Variants in ABR observed in about 807,000 individuals in gnomAD.
The protein encoded by ABR is ABR activator of RhoGEF and GTPase.
In ABR, 35 loss-of-function variants were observed where a neutral mutation model predicts 107.2. The observed-to-expected ratio is 0.33, with a 90% CI of 0.25 to 0.43. The LOEUF (loss-of-function observed/expected upper bound fraction) is 0.43, where lower values mean the gene tolerates loss of function less well. ABR is among the 20% of genes least tolerant of loss of function. ABR has a pLI of 1.00. For synonymous variants in ABR, 498 were observed against 462.0 expected, an observed-to-expected ratio of 1.08 and a Z score of -1.00; for missense variants, 815 against 1,115.2, an observed-to-expected ratio of 0.73 and a Z score of 3.83.
intron 1 of ABR, among the ~76,000 whole-genome samples, chr17:1,226,937 T>C (rs1388799998): frequency 6.6e-6 from 1 of 151,964 alleles, no homozygotes; most frequent in Non-Finnish European, 1.5e-5. Context: ...ACGAGGAGGC[T>C]TTGGAGACAG....
intron 16 of ABR, among the ~76,000 whole-genome samples, chr17:1,035,937 G>GA (rs1389583306): frequency 6.6e-6 from 1 of 151,610 alleles, no homozygotes; most frequent in Non-Finnish European, 1.5e-5. Flanking sequence ...CATCAACGAG[G>GA]AAAAAAGGTC....
chr17:1,125,255 C>A lies in ABR; in HGVS notation c.174G>T (p.Pro58=). Residue 58 remains proline (P), a synonymous_variant, in exon 2 of 23, where the codon CCG becomes CCT. Transcript: ENST00000302538. ...CGCCCTGGCTGCGGGCGCTGAGCTG[C>A]GGGGACATGGTGGGCGACTCATCGA... ...PYIDESPTMS[P]QLSARSQGGG... 1 of 1,613,050 alleles carries A rather than the reference C, an allele frequency of 6.2e-7. No homozygotes were observed. Among genetic ancestry groups the A allele is most frequent in the Non-Finnish European group, 8.5e-7 (1 of 1,179,514 alleles).
At chr17:1,093,139 T>C (rs2037152036) in intron 3 of ABR, among the ~76,000 whole-genome samples, 1 of 151,384 alleles carries the variant, frequency 6.6e-6, no homozygotes, top group Non-Finnish European at 1.5e-5. Flanking sequence ...CGGATTCTGT[T>C]GATGTTCTTC....
chr17:1,037,534 G>A lies in ABR; in HGVS notation c.1791+12516C>T, dbSNP rs1597481361. Among the ~76,000 whole-genome samples, 1 of 152,236 alleles carries A rather than the reference G, an allele frequency of 6.6e-6. No individual in the cohort carries two copies. The highest frequency in any genetic ancestry group is 2.4e-5 in the African/African-American group (1 of 41,460). ...TTGGTCATGGAAAAGGGTGAAAAAT[G>A]CACTTGAGCCTTTGGGAACATCTTG... On this transcript the variant is annotated intron_variant, in intron 16 of 22. Coordinates refer to ENST00000302538, the MANE Select transcript of ABR (RefSeq NM_021962.5). This position sits in a 1 kb window ranked among gnomAD's most constrained non-coding sequence, Gnocchi z 4.6.
chr17:1,090,072 G>A (rs928619947), intron 4 of ABR, among the ~76,000 whole-genome samples: 2 of 152,242 alleles, frequency 1.3e-5, no homozygotes, highest in Non-Finnish European at 2.9e-5. Context: ...TGGCGACTTG[G>A]AAAGCCTTCT....
intron 1 of ABR, among the ~76,000 whole-genome samples, chr17:1,147,220 A>C (rs1450414510): frequency 2.6e-5 from 4 of 151,990 alleles, no homozygotes; most frequent in Admixed American, 6.6e-5. Flanking sequence ...ACATATTCCA[A>C]ATGGTGCAGT....
In ABR at chr17:1,075,569, A is replaced by G. The variant is rs2035632333; in HGVS notation, c.701-1892T>C. 2.1e-5 allele frequency among the ~76,000 whole-genome samples: 3 copies of G among 141,006 alleles called. No homozygotes were observed. The South Asian group carries it at 6.9e-4, about 32-fold the overall frequency. 92.5% of individuals were successfully genotyped at this position (141,006 alleles called of 152,430 possible). On this transcript the variant is annotated intron_variant, in intron 6 of 22. Transcript: ENST00000302538. ...GGCTGCCTGTCGGAATCACTGGGGG[A>G]GCGGTTAAAAGATACAGATGCTGCT...
chr17:1,153,143 G>A (rs1026197872), intron 1 of ABR, among the ~76,000 whole-genome samples: 1 of 152,246 alleles, frequency 6.6e-6, no homozygotes, highest in Non-Finnish European at 1.5e-5. Context: ...TGTTCTGGGA[G>A]ATGGGGACCA....
Position 1,150,072 on chromosome 17 carries a change from G to T in ABR, c.62-24705C>A, listed in dbSNP as rs1489456950. ...TCACTGCTGTTGTCCCTGTTGTTAT[G>T]ATTTCTCCCCATAGTCCCGGCCTGG... On this transcript the variant is annotated intron_variant, in intron 1 of 22. Transcript: ENST00000302538. This position sits in a 1 kb window ranked among gnomAD's most constrained non-coding sequence, Gnocchi z 4.8. Among the ~76,000 whole-genome samples, 2 of 152,016 alleles carry T rather than the reference G, an allele frequency of 1.3e-5. No individual in the cohort carries two copies. The highest frequency in any genetic ancestry group is 4.8e-5 in the African/African-American group (2 of 41,402).
intron 3 of ABR, among the ~76,000 whole-genome samples, chr17:1,099,418 G>A (rs1368027314): frequency 6.6e-6 from 1 of 152,182 alleles, no homozygotes; most frequent in Non-Finnish European, 1.5e-5. Flanking sequence ...TAACATAAAT[G>A]TCAAGTCCCC....
At chr17:1,061,858 T>C (rs1312523515) in intron 10 of ABR, among the ~76,000 whole-genome samples, 1 of 152,164 alleles carries the variant, frequency 6.6e-6, no homozygotes, top group Non-Finnish European at 1.5e-5. Flanking sequence ...TAACCACCTG[T>C]TTTCTACGTG....
At chr17:1,038,967 G>A (rs4968080) in intron 16 of ABR, among the ~76,000 whole-genome samples, 32,458 of 152,198 alleles carry the variant, frequency 0.21, 3,696 homozygotes, top group Admixed American at 0.27. Flanking sequence ...TGCGGCTTTC[G>A]CCTCGGCGAG....
At chr17:1,043,107 T>C (rs1336041290) in intron 16 of ABR, among the ~76,000 whole-genome samples, 1 of 152,170 alleles carries the variant, frequency 6.6e-6, no homozygotes, top group African/African-American at 2.4e-5. Context: ...AAGTTCTGGA[T>C]ATGCACACTG....
rs976349156 is a variant in ABR, at chr17:1,019,940, G to A, written c.1792-6776C>T. ...GCTGGGAAGACCACCAGGGGCACACGAGCACTGGGGCCTCCCCAAGGTGGG... is the reference window on the plus strand; with the variant it reads ...GCTGGGAAGACCACCAGGGGCACACAAGCACTGGGGCCTCCCCAAGGTGGG... On this transcript the variant is annotated intron_variant, in intron 16 of 22. Transcript: ENST00000302538. Among the ~76,000 whole-genome samples, 6 of 152,208 alleles carry A rather than the reference G, an allele frequency of 3.9e-5. No individual in the cohort carries two copies. The South Asian group carries it at 6.2e-4, about 16-fold the overall frequency.
intron 6 of ABR, among the ~76,000 whole-genome samples, chr17:1,076,387 C>T (rs1321470503): frequency 6.6e-6 from 1 of 152,104 alleles, no homozygotes; most frequent in Non-Finnish European, 1.5e-5. Flanking sequence ...CTGTTTAAGG[C>T]ACCCACCTGT....
chr17:1,148,804 G>A lies in ABR; in HGVS notation c.62-23437C>T, dbSNP rs115745348. 0.018 allele frequency among the ~76,000 whole-genome samples: 2,773 copies of A among 152,258 alleles called. 93 individuals carry two copies. Among genetic ancestry groups the A allele is most frequent in the African/African-American group, 0.063 (2,620 of 41,516 alleles). On this transcript the variant is annotated intron_variant, in intron 1 of 22. Transcript: ENST00000302538. This position sits in a 1 kb window ranked among gnomAD's most constrained non-coding sequence, Gnocchi z 4.9. ...TCCGGAGATGACGGTGCTGATGGCC[G>A]CACCAGAGTGTGAACGTGCCTCGGG...
At chr17:1,110,124 G>A (rs1209029843) in intron 2 of ABR, among the ~76,000 whole-genome samples, 1 of 151,234 alleles carries the variant, frequency 6.6e-6, no homozygotes, top group Non-Finnish European at 1.5e-5. Flanking sequence ...CCCAGGACAG[G>A]CACCATCTCC....
chr17:1,203,401 G>GGGGCGGAGTCTGC (rs1567889077), intron 1 of ABR, among the ~76,000 whole-genome samples: 4 of 12,624 alleles, frequency 3.2e-4, no homozygotes, highest in South Asian at 2.4e-3. Flanking sequence ...CGGGGCCCGC[G>GGGGCGGAGTCTGC]GGGGGCGGAG....
intron 1 of ABR, among the ~76,000 whole-genome samples, chr17:1,217,550 T>C (rs1479365095): frequency 1.3e-5 from 2 of 152,200 alleles, no homozygotes; most frequent in Admixed American, 1.3e-4. Context: ...CTATTGATAT[T>C]ATATTATCAT....
Sources: allele counts gnomAD v4.1 joint callset (sites outside exome capture counted in the v4.1 genomes callset), GRCh38; gene constraint gnomAD v4.1.1; non-coding constraint Gnocchi (gnomAD v3.1); transcripts MANE v1.5; gene names NCBI Gene and HGNC (gene_info 2026-07-23, HGNC 2026-07-21).